The following RCAN2 variants were observed in gnomAD, a reference collection of about 807,000 sequenced individuals.
The protein encoded by RCAN2 is regulator of calcineurin 2.
Under a neutral mutation model 23.6 loss-of-function variants are expected in RCAN2, and 9 were observed. That is an observed-to-expected ratio of 0.38 (90% CI 0.23 to 0.67). RCAN2 has a LOEUF of 0.67. RCAN2 is among the 30% of genes least tolerant of loss of function. RCAN2 has a pLI of 0.51. For missense variants in RCAN2, 273 were observed against 302.3 expected (o/e 0.90, Z 0.72); for synonymous variants, 109 against 115.7 (o/e 0.94, Z 0.37).
chr6:46,251,460 C>G (rs1380149477), intron 2 of RCAN2, among the ~76,000 whole-genome samples: 1 of 152,116 alleles, frequency 6.6e-6, no homozygotes, highest in Non-Finnish European at 1.5e-5. Flanking sequence ...TTTTTAAGGA[C>G]AGAATCCTTG....
intron 2 of RCAN2, among the ~76,000 whole-genome samples, chr6:46,420,627 C>A (rs1242959546): frequency 4.6e-5 from 7 of 151,606 alleles, no homozygotes; most frequent in Admixed American, 1.3e-4. Context: ...TCACTGCAAC[C>A]TCCCCTCCTG....
At chr6:46,369,253 T>C (rs1226124028) in intron 2 of RCAN2, among the ~76,000 whole-genome samples, 6 of 152,176 alleles carry the variant, frequency 3.9e-5, no homozygotes. Flanking sequence ...CAATGCCTTC[T>C]GGAATACCTC....
At chr6:46,411,038 T>C (rs777993171) in intron 2 of RCAN2, among the ~76,000 whole-genome samples, 10 of 152,240 alleles carry the variant, frequency 6.6e-5, no homozygotes, top group Non-Finnish European at 8.8e-5. Flanking sequence ...AGTGCTCACT[T>C]ATTTCAAATA....
At chr6:46,268,857 A>T (rs1767430923) in intron 2 of RCAN2, among the ~76,000 whole-genome samples, 1 of 152,172 alleles carries the variant, frequency 6.6e-6, no homozygotes, top group Non-Finnish European at 1.5e-5. Context: ...TTATTTCTGG[A>T]AGGCAGGGGT....
intron 1 of RCAN2, among the ~76,000 whole-genome samples, chr6:46,458,502 T>C (rs1768111010): frequency 6.6e-6 from 1 of 152,138 alleles, no homozygotes; most frequent in Non-Finnish European, 1.5e-5. Flanking sequence ...AAAATTTCTA[T>C]ATAAAATATA....
intron 2 of RCAN2, among the ~76,000 whole-genome samples, chr6:46,339,439 T>C (rs1764236498): frequency 6.6e-6 from 1 of 151,844 alleles, no homozygotes; most frequent in Non-Finnish European, 1.5e-5. Context: ...AGAGTGACTT[T>C]TATATATAAA....
chr6:46,316,491 T>C (rs887428703), intron 2 of RCAN2, among the ~76,000 whole-genome samples: 1 of 152,128 alleles, frequency 6.6e-6, no homozygotes, highest in Non-Finnish European at 1.5e-5. Flanking sequence ...ATGCCCTACG[T>C]CAGCAAAGGA....
intron 2 of RCAN2, among the ~76,000 whole-genome samples, chr6:46,347,462 C>A (rs1457836639): frequency 6.6e-6 from 1 of 152,114 alleles, no homozygotes; most frequent in Non-Finnish European, 1.5e-5. Context: ...TAAGAAAATT[C>A]TTCAGATTTA....
Position 46,223,097 on chromosome 6 carries a change from C to A in RCAN2, c.*44G>T. 6.3e-7 allele frequency: 1 copy of A among 1,596,620 alleles called. No homozygotes were observed. The highest frequency in any genetic ancestry group is 8.5e-7 in the Non-Finnish European group (1 of 1,172,384). ...TTTGACAAACAACAGGGGGAAAAAG[C>A]ATGATAAAGAGGAGACGGCTATTAT... is the stretch of plus-strand genomic sequence containing the variant. On this transcript the variant is annotated 3_prime_UTR_variant, in exon 5 of 5. Coordinates refer to ENST00000371374, the MANE Select transcript of RCAN2 (RefSeq NM_001251974.2).
intron 2 of RCAN2, among the ~76,000 whole-genome samples, chr6:46,283,992 T>C (rs1762287757): frequency 6.6e-6 from 1 of 152,174 alleles, no homozygotes; most frequent in Non-Finnish European, 1.5e-5. Context: ...AGATTGCAGG[T>C]GCCAGATGGT....
intron 2 of RCAN2, among the ~76,000 whole-genome samples, chr6:46,309,515 G>A (rs189699051): frequency 6.6e-6 from 1 of 152,084 alleles, no homozygotes; most frequent in Non-Finnish European, 1.5e-5. Flanking sequence ...CTAAATCATG[G>A]CTCTTGAAAC....
chr6:46,233,335 TCAAA>T (rs1765963135), intron 4 of RCAN2, among the ~76,000 whole-genome samples: 1 of 152,242 alleles, frequency 6.6e-6, no homozygotes, highest in Non-Finnish European at 1.5e-5. Flanking sequence ...TGCTGAGTCA[TCAAA>T]TATGGTGGTG....
chr6:46,330,294 A>G (rs1344926877), intron 2 of RCAN2, among the ~76,000 whole-genome samples: 1 of 152,156 alleles, frequency 6.6e-6, no homozygotes, highest in Non-Finnish European at 1.5e-5. Context: ...GACACTCTGG[A>G]GGGAAGACCA....
intron 2 of RCAN2, among the ~76,000 whole-genome samples, chr6:46,282,123 A>T (rs1277896243): frequency 6.6e-6 from 1 of 152,204 alleles, no homozygotes; most frequent in Non-Finnish European, 1.5e-5. Flanking sequence ...AAGTTGAATG[A>T]CACATATTTT....
intron 2 of RCAN2, among the ~76,000 whole-genome samples, chr6:46,419,849 T>C (rs1444259993): frequency 2.0e-5 from 3 of 152,170 alleles, no homozygotes; most frequent in Non-Finnish European, 2.9e-5. Flanking sequence ...CTGGTTCATT[T>C]ATTCTTCGTG....
At chr6:46,275,781 C>A (rs76867903) in intron 2 of RCAN2, among the ~76,000 whole-genome samples, 2 of 152,104 alleles carry the variant, frequency 1.3e-5, no homozygotes, top group Non-Finnish European at 2.9e-5. Context: ...AGTGCAAATG[C>A]CACATAAAAA....
chr6:46,387,406 GA>G (rs1175247051), intron 2 of RCAN2, among the ~76,000 whole-genome samples: 3 of 151,932 alleles, frequency 2.0e-5, no homozygotes, highest in Non-Finnish European at 2.9e-5. Flanking sequence ...AAATGTACAA[GA>G]AAAAAACAAA....
chr6:46,315,042 T>C (rs569410740), intron 2 of RCAN2, among the ~76,000 whole-genome samples: 3 of 152,198 alleles, frequency 2.0e-5, no homozygotes, highest in African/African-American at 2.4e-5. Flanking sequence ...GCCTGGGCGA[T>C]AGAGCCAGAT....
At chr6:46,472,311 T>A (rs1416607687) in intron 1 of RCAN2, among the ~76,000 whole-genome samples, 1 of 152,196 alleles carries the variant, frequency 6.6e-6, no homozygotes, top group Non-Finnish European at 1.5e-5. Context: ...ACAGATTGTT[T>A]CCTGACATAA....
Sources: gnomAD v4.1 joint callset for allele counts (sites outside exome capture counted in the v4.1 genomes callset) on GRCh38, gnomAD v4.1.1 for gene constraint, MANE v1.5 for transcripts, NCBI Gene and HGNC (gene_info 2026-07-23, HGNC 2026-07-21) for gene names.